TMOD3: variants seen among roughly 807,000 people sequenced by gnomAD.
TMOD3 encodes tropomodulin 3, also known as tropomodulin-3.
In TMOD3, 20 loss-of-function variants were observed where a neutral mutation model predicts 39.2. The ratio of observed to expected loss-of-function variants is 0.51; its 90% CI spans 0.36 to 0.74. TMOD3 has a LOEUF of 0.74. TMOD3 is among the 30% of genes least tolerant of loss of function. The pLI is 0.00. For missense variants in TMOD3, 381 were observed against 412.8 expected, an observed-to-expected ratio of 0.92 and a Z score of 0.67; for synonymous variants, 143 against 145.8, an observed-to-expected ratio of 0.98 and a Z score of 0.14.
At chr15:51,862,589 T>C (rs998041188) in intron 1 of TMOD3, among the ~76,000 whole-genome samples, 1 of 152,222 alleles carries the variant, frequency 6.6e-6, no homozygotes, top group Non-Finnish European at 1.5e-5. Flanking sequence ...CCTTAATGGA[T>C]TTGAATTTTG....
intron 4 of TMOD3, among the ~76,000 whole-genome samples, chr15:51,888,760 C>G (rs1460174177): frequency 1.3e-5 from 2 of 152,094 alleles, no homozygotes; most frequent in East Asian, 3.8e-4. Context: ...TTTCCATTTT[C>G]TCTCTTAGCC....
intron 1 of TMOD3, among the ~76,000 whole-genome samples, chr15:51,832,768 A>G (rs893552266): frequency 1.3e-5 from 2 of 152,222 alleles, no homozygotes; most frequent in Admixed American, 6.5e-5. Flanking sequence ...GGAGGGAGAA[A>G]GATAAAGAGG....
intron 3 of TMOD3, among the ~76,000 whole-genome samples, chr15:51,882,131 G>A (rs975176551): frequency 6.6e-6 from 1 of 151,804 alleles, no homozygotes; most frequent in Non-Finnish European, 1.5e-5. Context: ...CTAACCTCAG[G>A]TGATCCATCC....
intron 6 of TMOD3, 28 bp from the exon 7 acceptor site, chr15:51,896,391 A>G: frequency 2.1e-6 from 3 of 1,446,092 alleles, no homozygotes; most frequent in Non-Finnish European, 9.6e-7. Flanking sequence ...TTGAAATGTA[A>G]TGATGTTTTA....
chr15:51,897,803 AAAC>A (rs2056629286), intron 7 of TMOD3, among the ~76,000 whole-genome samples: 1 of 151,286 alleles, frequency 6.6e-6, no homozygotes, highest in African/African-American at 2.4e-5. Flanking sequence ...AAAAAACAAA[AAAC>A]TAATGGAATC....
chr15:51,861,732 A>G (rs1369227982), intron 1 of TMOD3, among the ~76,000 whole-genome samples: 2 of 148,766 alleles, frequency 1.3e-5, no homozygotes, highest in Non-Finnish European at 3.0e-5. Context: ...ATCTTGGCTC[A>G]CTGCAACCTC....
intron 8 of TMOD3, among the ~76,000 whole-genome samples, chr15:51,900,613 A>C (rs1401529934): frequency 1.3e-5 from 2 of 152,232 alleles, no homozygotes; most frequent in Non-Finnish European, 2.9e-5. Flanking sequence ...GGCAAGGTCC[A>C]CATTGTAGGG....
chr15:51,870,409 C>T (rs1206187246), intron 3 of TMOD3, among the ~76,000 whole-genome samples: 1 of 152,218 alleles, frequency 6.6e-6, no homozygotes, highest in East Asian at 1.9e-4. Flanking sequence ...GCAGCAGTAG[C>T]AGAGCTGAAG....
intron 5 of TMOD3, among the ~76,000 whole-genome samples, chr15:51,891,255 T>A (rs2141702059): frequency 6.6e-6 from 1 of 151,640 alleles, no homozygotes; most frequent in African/African-American, 2.4e-5. Context: ...TTTTTTTTTT[T>A]TTTTTCTGTG....
chr15:51,853,774 G>A (rs141697623), intron 1 of TMOD3, among the ~76,000 whole-genome samples: 87 of 147,936 alleles, frequency 5.9e-4, no homozygotes, highest in African/African-American at 2.0e-3. Flanking sequence ...GCCTGACAGA[G>A]CGAGTCACTG....
intron 7 of TMOD3, among the ~76,000 whole-genome samples, chr15:51,897,102 C>T (rs937230285): frequency 6.6e-6 from 1 of 152,212 alleles, no homozygotes; most frequent in African/African-American, 2.4e-5. Flanking sequence ...GCTCCCCTTA[C>T]CTCAGTGGAC....
intron 6 of TMOD3, among the ~76,000 whole-genome samples, chr15:51,895,743 G>A (rs749363163): frequency 4.6e-5 from 7 of 152,078 alleles, no homozygotes; most frequent in African/African-American, 1.4e-4. Context: ...CTCAGGAATC[G>A]TACTCATCAG....
intron 3 of TMOD3, among the ~76,000 whole-genome samples, chr15:51,884,027 A>G (rs927230099): frequency 6.6e-6 from 1 of 152,238 alleles, no homozygotes; most frequent in Admixed American, 6.5e-5. Flanking sequence ...ATTTGATACT[A>G]AGATCGATGG....
intron 7 of TMOD3, among the ~76,000 whole-genome samples, chr15:51,897,791 A>C (rs1033727183): frequency 1.3e-5 from 2 of 150,924 alleles, no homozygotes; most frequent in Non-Finnish European, 3.0e-5. Context: ...CAAAAAAAAA[A>C]AAAAAAACAA....
chr15:51,859,759 C>T (rs1482732137), intron 1 of TMOD3: 1 of 492,450 alleles, frequency 2.0e-6, no homozygotes. Context: ...CCTTCATCTG[C>T]CACATTGTCC....
chr15:51,912,855 G>C lies in TMOD3; in HGVS notation c.*4045G>C, dbSNP rs2056718297. Reference sequence around the variant, plus strand: ...ATCTGTAAAATTATCCTCTCCATCAGCTCTCACTGATCATTAATGTTTCTG... The same window carrying C: ...ATCTGTAAAATTATCCTCTCCATCACCTCTCACTGATCATTAATGTTTCTG... On this transcript the variant is annotated 3_prime_UTR_variant, in exon 10 of 10. Coordinates refer to ENST00000308580, the MANE Select transcript of TMOD3 (RefSeq NM_014547.5). The C allele has an allele frequency of 6.6e-6, 1 of 152,138 alleles. No homozygotes were observed. Among genetic ancestry groups the C allele is most frequent in the Non-Finnish European group, 1.5e-5 (1 of 68,032 alleles). The allele number at this position is 152,138 out of a possible 1,614,324, so 9.4% of individuals were successfully genotyped here.
In TMOD3 at chr15:51,906,109, C is replaced by G. The variant is rs2056679290; in HGVS notation, c.1025-2667C>G. On this transcript the variant is annotated intron_variant, in intron 9 of 9. Transcript: ENST00000308580. ...GGTGAGAAAGAGGGGTCAGAAATGGCCCGTTGCCCCATTGTCCTCTGTTGT... is the reference window on the plus strand; with the variant it reads ...GGTGAGAAAGAGGGGTCAGAAATGGGCCGTTGCCCCATTGTCCTCTGTTGT... Among the ~76,000 whole-genome samples the G allele has an allele frequency of 2.6e-5, 4 of 152,218 alleles. No homozygotes were observed. In the South Asian group the frequency reaches 8.3e-4, roughly 32 times the overall value.
In TMOD3 at chr15:51,861,296, G is replaced by A. The variant is rs1338250170; in HGVS notation, c.-74-1515G>A. On this transcript the variant is annotated intron_variant, in intron 1 of 9. Coordinates refer to ENST00000308580, the MANE Select transcript of TMOD3 (RefSeq NM_014547.5). ...GTTCCTGAATTATCTCTGCCATGAG[G>A]TCCGAACTCTACAACCCCATGGGAG... 1.7e-5 allele frequency: 6 copies of A among 361,534 alleles called. No individual in the cohort carries two copies. The East Asian group carries it at 3.7e-4, about 22-fold the overall frequency. 22.4% of individuals were successfully genotyped at this position (361,534 alleles called of 1,614,324 possible). A position where few individuals can be genotyped will look rare whatever the true frequency, so the allele number is the denominator to read the frequency against.
intron 1 of TMOD3, among the ~76,000 whole-genome samples, chr15:51,843,893 G>T (rs902026588): frequency 3.4e-5 from 5 of 148,390 alleles, no homozygotes; most frequent in Non-Finnish European, 7.5e-5. Context: ...CAGATTGCTA[G>T]TTTTTTTTTT....
Sources: allele counts gnomAD v4.1 joint callset (sites outside exome capture counted in the v4.1 genomes callset), GRCh38; gene constraint gnomAD v4.1.1; transcripts MANE v1.5; gene names NCBI Gene and HGNC (gene_info 2026-07-23, HGNC 2026-07-21).